The following CDK19 variants were observed in gnomAD, a reference collection of about 807,000 sequenced individuals.
CDK19 encodes the protein cyclin-dependent kinase 19.
CDK19 carries 20 observed loss-of-function variants against 68.3 expected under a neutral mutation model. The observed-to-expected ratio is 0.29, with a 90% confidence interval of 0.21 to 0.43. The LOEUF (loss-of-function observed/expected upper bound fraction) is 0.43. Ranked by LOEUF, CDK19 falls within the 20% of genes least tolerant of loss-of-function variation. The pLI, the probability that CDK19 is intolerant of heterozygous loss-of-function variation, is 1.00. For synonymous variants in CDK19, 221 were observed against 222.8 expected (o/e 0.99, Z 0.07); for missense variants, 339 against 623.5 (o/e 0.54, Z 4.86).
chr6:110,781,584 T>G (rs939956621), intron 1 of CDK19, among the ~76,000 whole-genome samples: 2 of 152,088 alleles, frequency 1.3e-5, no homozygotes, highest in African/African-American at 4.8e-5. Context: ...GGCTCACACC[T>G]CTAATCCTAG....
intron 2 of CDK19, among the ~76,000 whole-genome samples, chr6:110,699,685 T>C (rs766949545): frequency 2.6e-5 from 4 of 152,172 alleles, no homozygotes; most frequent in Non-Finnish European, 5.9e-5. Context: ...AATTCATCCA[T>C]GTAACCAAAA....
intron 1 of CDK19, among the ~76,000 whole-genome samples, chr6:110,809,666 C>A (rs192345480): frequency 3.4e-4 from 52 of 152,084 alleles, no homozygotes; most frequent in African/African-American, 1.1e-3. Flanking sequence ...CTAAAAACTT[C>A]GTTTTTTAAG....
At chr6:110,625,139 A>G (rs1779006149) in intron 8 of CDK19, among the ~76,000 whole-genome samples, 1 of 152,124 alleles carries the variant, frequency 6.6e-6, no homozygotes, top group Non-Finnish European at 1.5e-5. Context: ...GAATCTCGCT[A>G]CACAAATGTA....
intron 2 of CDK19, among the ~76,000 whole-genome samples, chr6:110,733,206 T>C (rs959478215): frequency 2.0e-5 from 3 of 152,338 alleles, no homozygotes; most frequent in Middle Eastern, 3.4e-3. Flanking sequence ...CATACCCATA[T>C]GTGTTATTTT....
chr6:110,799,144 T>TAAAA lies in CDK19; in HGVS notation c.128+15861_128+15864dup, dbSNP rs369106433. Among the ~76,000 whole-genome samples, 370 of 49,120 alleles carry TAAAA rather than the reference T, an allele frequency of 7.5e-3. 5 individuals carry two copies. Among genetic ancestry groups the TAAAA allele is most frequent in the East Asian group, 0.036 (26 of 724 alleles). 32.2% of individuals were successfully genotyped at this position (49,120 alleles called of 152,430 possible). Reference sequence around the variant, plus strand: ...GGTGTTAAGAGTAAAACCCTGTATTTAAAAAAAAAAAAAAAAAAAAAAAAA... The same window carrying TAAAA: ...GGTGTTAAGAGTAAAACCCTGTATTTAAAAAAAAAAAAAAAAAAAAAAAAAAAAA... On this transcript the variant is annotated intron_variant, in intron 1 of 12. Coordinates refer to ENST00000368911, the MANE Select transcript of CDK19 (RefSeq NM_015076.5).
In CDK19 at chr6:110,803,979, GAAGA is replaced by G. The variant is rs914448313; in HGVS notation, c.128+11026_128+11029del. Reference sequence around the variant, plus strand: ...AGACCCTGTCTCAAGAAAAGAAAGAGAAGAAAGAAAGAAATACAGAACGAAAAGA... The same window carrying G: ...AGACCCTGTCTCAAGAAAAGAAAGAGAAGAAAGAAATACAGAACGAAAAGA... On this transcript the variant is annotated intron_variant, in intron 1 of 12. Transcript: ENST00000368911. Among the ~76,000 whole-genome samples the G allele has an allele frequency of 3.1e-4, 47 of 152,164 alleles. 1 individual carries two copies. The highest frequency in any genetic ancestry group is 2.8e-3 in the Admixed American group (43 of 15,254).
chr6:110,753,210 G>A (rs558709901), intron 1 of CDK19, among the ~76,000 whole-genome samples: 44 of 152,094 alleles, frequency 2.9e-4, no homozygotes, highest in African/African-American at 8.9e-4. Context: ...GATTACAGGC[G>A]TGAGCCACCA....
rs564365954 is a variant in CDK19, at chr6:110,740,073, G to C, written c.204+6053C>G. On this transcript the variant is annotated intron_variant, in intron 2 of 12. Coordinates refer to ENST00000368911, the MANE Select transcript of CDK19 (RefSeq NM_015076.5). Reference sequence around the variant, plus strand: ...AATGGACTCTCTGCTCTTGTGGGGGGAAAAATTCTCTGTATTTTTGCAAAG... The same window carrying C: ...AATGGACTCTCTGCTCTTGTGGGGGCAAAAATTCTCTGTATTTTTGCAAAG... 6.6e-5 allele frequency among the ~76,000 whole-genome samples: 10 copies of C among 151,440 alleles called. No individual in the cohort carries two copies. The East Asian group carries it at 1.7e-3, about 26-fold the overall frequency.
At chr6:110,766,470 C>G (rs181064991) in intron 1 of CDK19, among the ~76,000 whole-genome samples, 30 of 152,104 alleles carry the variant, frequency 2.0e-4, no homozygotes, top group African/African-American at 7.0e-4. Flanking sequence ...CCAAGCTACT[C>G]AGGAAGCTGA....
Position 110,784,885 on chromosome 6 carries a change from T to C in CDK19, c.128+30124A>G, listed in dbSNP as rs372734198. On this transcript the variant is annotated intron_variant, in intron 1 of 12. Coordinates refer to ENST00000368911, the MANE Select transcript of CDK19 (RefSeq NM_015076.5). ...ACACACAATAACATATATAGTATGA[T>C]TTCATTTTTACATATGTCCAGAATA... Among the ~76,000 whole-genome samples the C allele has an allele frequency of 5.5e-4, 83 of 152,258 alleles. No individual in the cohort carries two copies. The East Asian group carries it at 0.01, about 18-fold the overall frequency.
At chr6:110,632,229 A>G in intron 5 of CDK19, 68 bp from the exon 6 acceptor site, 9 of 1,308,666 alleles carry the variant, frequency 6.9e-6, no homozygotes, top group Non-Finnish European at 9.5e-6. Context: ...GCTAAGATCA[A>G]GTGTAAAATT....
rs1376791479 is a variant in CDK19 at position 110,769,422 on chromosome 6, G to A, written c.129-23221C>T. Among the ~76,000 whole-genome samples the A allele has an allele frequency of 5.3e-5, 8 of 150,714 alleles. No homozygotes were observed. In the East Asian group the frequency reaches 5.9e-4, roughly 11 times the overall value. On this transcript the variant is annotated intron_variant, in intron 1 of 12. Transcript: ENST00000368911. ...TCTACTAAAAATACAAAAATTAGCCGGGCATAGTGGTACATGCCTGTAATC... is the reference window on the plus strand; with the variant it reads ...TCTACTAAAAATACAAAAATTAGCCAGGCATAGTGGTACATGCCTGTAATC...
At position 110,749,522 on chromosome 6, in the gene CDK19, G is replaced by A. The variant is rs373205801; in HGVS notation, c.129-3321C>T. ...ACTGCAGGCACATACCACACACCCA[G>A]GTAATTTTTGTATTTTTTGTAAAGA... On this transcript the variant is annotated intron_variant, in intron 1 of 12. Coordinates refer to ENST00000368911, the MANE Select transcript of CDK19 (RefSeq NM_015076.5). 3.3e-5 allele frequency among the ~76,000 whole-genome samples: 5 copies of A among 152,012 alleles called. No individual in the cohort carries two copies. In the South Asian group the frequency reaches 8.3e-4, roughly 25 times the overall value.
chr6:110,767,965 TAAAC>T (rs974009918), intron 1 of CDK19, among the ~76,000 whole-genome samples: 11 of 152,010 alleles, frequency 7.2e-5, no homozygotes, highest in African/African-American at 2.2e-4. Flanking sequence ...GTATCAAAAA[TAAAC>T]AAAGAACTCT....
rs778746022 is a variant in CDK19 at position 110,621,393 on chromosome 6, C to T, written c.1111-23G>A. ...ATTCTTTTAAGGGGAAAAAAGCAAG[C>T]TTGGTATGAAACCAAATTAACAGGA... On this transcript the variant is annotated intron_variant, in intron 11 of 12. Coordinates refer to ENST00000368911, the MANE Select transcript of CDK19 (RefSeq NM_015076.5). This position sits in a 1 kb window ranked among gnomAD's most constrained non-coding sequence, Gnocchi z 5.4. 6.6e-7 allele frequency: 1 copy of T among 1,521,460 alleles called. No individual in the cohort carries two copies. 94.2% of individuals were successfully genotyped at this position (1,521,460 alleles called of 1,614,324 possible). A position where few individuals can be genotyped will look rare whatever the true frequency, so the allele number is the denominator to read the frequency against.
intron 2 of CDK19, among the ~76,000 whole-genome samples, chr6:110,734,520 G>GCCCTCTCTCTCTCTCTCT (rs1554214772): frequency 1.2e-5 from 1 of 85,734 alleles, no homozygotes; most frequent in Non-Finnish European, 2.3e-5. Flanking sequence ...GGTGAGCACT[G>GCCCTCTCTCTCTCTCTCT]CTCTCTCTCT....
At chr6:110,792,508 A>G (rs1186785234) in intron 1 of CDK19, among the ~76,000 whole-genome samples, 1 of 151,982 alleles carries the variant, frequency 6.6e-6, no homozygotes, top group African/African-American at 2.4e-5. Flanking sequence ...CTCAGGTTCA[A>G]GTGATTCTCT....
chr6:110,808,652 AC>A (rs1413448111), intron 1 of CDK19, among the ~76,000 whole-genome samples: 1 of 152,224 alleles, frequency 6.6e-6, no homozygotes, highest in Non-Finnish European at 1.5e-5. Flanking sequence ...TACAAAAATG[AC>A]AAACCAGTTA....
At chr6:110,735,328 T>C (rs1367092771) in intron 2 of CDK19, among the ~76,000 whole-genome samples, 1 of 152,120 alleles carries the variant, frequency 6.6e-6, no homozygotes. Flanking sequence ...AAAAACTTTA[T>C]CAAAACAAAT....
Sources: gnomAD v4.1 joint callset for allele counts (sites outside exome capture counted in the v4.1 genomes callset) on GRCh38, gnomAD v4.1.1 for gene constraint, Gnocchi (gnomAD v3.1) non-coding constraint, MANE v1.5 for transcripts, NCBI Gene and HGNC (gene_info 2026-07-23, HGNC 2026-07-21) for gene names.